The following RGS6 variants were observed in gnomAD, a reference collection of about 807,000 sequenced individuals.
RGS6 encodes regulator of G protein signaling 6, also known as regulator of G-protein signaling 6.
RGS6 carries 30 observed loss-of-function variants against 78.5 expected under a neutral mutation model. That is an observed-to-expected ratio of 0.38 (90% CI 0.29 to 0.52). The LOEUF is 0.52. RGS6 is among the 20% of genes least tolerant of loss of function. The pLI is 0.85. For synonymous variants in RGS6, 206 were observed against 206.0 expected (o/e 1.00, Z 0.00); for missense variants, 495 against 609.7 (o/e 0.81, Z 1.98).
intron 2 of RGS6, among the ~76,000 whole-genome samples, chr14:71,987,189 G>A (rs1317129336): frequency 6.6e-6 from 1 of 152,208 alleles, no homozygotes; most frequent in Non-Finnish European, 1.5e-5. Context: ...TAGCTAGGGA[G>A]GAGGTACGCT....
chr14:71,920,288 A>C, the RGS6 span, among the ~76,000 whole-genome samples: 2 of 152,192 alleles, frequency 1.3e-5, no homozygotes, highest in Non-Finnish European at 2.9e-5. Context: ...AGACCAAAGA[A>C]TCTACTAAAG....
intron 2 of RGS6, among the ~76,000 whole-genome samples, chr14:72,122,141 C>A (rs920535699): frequency 6.6e-6 from 1 of 152,150 alleles, no homozygotes; most frequent in Non-Finnish European, 1.5e-5. Flanking sequence ...AGGCTGGGAC[C>A]AATGCTTTGC....
Position 72,566,365 on chromosome 14 carries a change from T to C in RGS6, c.*3898T>C, listed in dbSNP as rs1019135133. The C allele has an allele frequency of 6.6e-6, 1 of 152,238 alleles. No individual in the cohort carries two copies. Among genetic ancestry groups the C allele is most frequent in the African/African-American group, 2.4e-5 (1 of 41,450 alleles). The allele number at this position is 152,238 out of a possible 1,614,324, so 9.4% of individuals were successfully genotyped here. A position where few individuals can be genotyped will look rare whatever the true frequency, so the allele number is the denominator to read the frequency against. The stretch of plus-strand genomic sequence containing the variant: ...TGCTCCATACCAGGGGTCCCTGTTC[T>C]ATACTCTAAGCCCACTCACCGCATG... On this transcript the variant is annotated 3_prime_UTR_variant, in exon 18 of 18. Transcript: ENST00000553525.
intron 2 of RGS6, among the ~76,000 whole-genome samples, chr14:72,319,949 T>G (rs1010332881): frequency 6.6e-6 from 1 of 152,236 alleles, no homozygotes. Flanking sequence ...AGGAGTCTAC[T>G]ATGTTACAGA....
At chr14:72,269,217 C>G (rs1436345885) in intron 2 of RGS6, among the ~76,000 whole-genome samples, 1 of 152,170 alleles carries the variant, frequency 6.6e-6, no homozygotes, top group Admixed American at 6.5e-5. Context: ...GTCATCCTGC[C>G]CCTGCCCTGA....
intron 2 of RGS6, among the ~76,000 whole-genome samples, chr14:72,314,335 G>A (rs1247224833): frequency 6.6e-6 from 1 of 152,150 alleles, no homozygotes; most frequent in Non-Finnish European, 1.5e-5. Context: ...TGTGGGTCCA[G>A]GCATCACAAC....
At chr14:72,031,857 A>C (rs748571864) in intron 2 of RGS6, among the ~76,000 whole-genome samples, 2 of 152,206 alleles carry the variant, frequency 1.3e-5, no homozygotes, top group Non-Finnish European at 2.9e-5. Context: ...TTTTTAAATG[A>C]TTGGGATAAT....
the RGS6 span, among the ~76,000 whole-genome samples, chr14:72,595,497 CCAGG>C: frequency 2.0e-5 from 3 of 151,732 alleles, no homozygotes; most frequent in Non-Finnish European, 2.9e-5. Flanking sequence ...AAGCTTAGCC[CCAGG>C]AATACAATGC....
At position 72,383,927 on chromosome 14, in the gene RGS6, T is replaced by C. The variant is rs561387988; in HGVS notation, c.184+31733T>C. On this transcript the variant is annotated intron_variant, in intron 3 of 17. Transcript: ENST00000553525. ...AAATATTCCTCCCCTAGAAATTATTTTGTTGATCTAAGAGTACTGAATTGC... is the reference window on the plus strand; with the variant it reads ...AAATATTCCTCCCCTAGAAATTATTCTGTTGATCTAAGAGTACTGAATTGC... Among the ~76,000 whole-genome samples the C allele has an allele frequency of 3.9e-5, 6 of 152,328 alleles. No individual in the cohort carries two copies. The East Asian group carries it at 1.2e-3, about 29-fold the overall frequency.
At chr14:72,147,960 T>C (rs2096629470) in intron 2 of RGS6, among the ~76,000 whole-genome samples, 1 of 151,880 alleles carries the variant, frequency 6.6e-6, no homozygotes, top group Non-Finnish European at 1.5e-5. Context: ...TGAAACCCCA[T>C]CTCTACTAAA....
chr14:72,620,013 A>G, the RGS6 span: 1 of 1,511,644 alleles, frequency 6.6e-7, no homozygotes, highest in Non-Finnish European at 8.8e-7. Context: ...AGCACAGAGG[A>G]GGAGAGATTC....
chr14:72,063,014 G>C (rs2093968333), intron 2 of RGS6, among the ~76,000 whole-genome samples: 1 of 152,148 alleles, frequency 6.6e-6, no homozygotes, highest in African/African-American at 2.4e-5. Flanking sequence ...AGCAGAGACA[G>C]GGTTTTGGCA....
At chr14:72,595,329 G>A in the RGS6 span, among the ~76,000 whole-genome samples, 1 of 152,140 alleles carries the variant, frequency 6.6e-6, no homozygotes, top group African/African-American at 2.4e-5. Context: ...CGTATGTGTG[G>A]TTTAATCATG....
intron 2 of RGS6, among the ~76,000 whole-genome samples, chr14:72,060,371 C>CT (rs34086688): frequency 0.013 from 1,724 of 136,940 alleles, 46 homozygotes; most frequent in Middle Eastern, 0.03. Context: ...CCCCTCCCAC[C>CT]TTTTTTTTTT....
At chr14:71,991,685 C>A (rs1426441191) in intron 2 of RGS6, among the ~76,000 whole-genome samples, 2 of 152,196 alleles carry the variant, frequency 1.3e-5, no homozygotes, top group Non-Finnish European at 2.9e-5. Context: ...TTTCTAGGTA[C>A]ATATTTTAAC....
At chr14:72,045,782 G>A (rs1273997343) in intron 2 of RGS6, among the ~76,000 whole-genome samples, 1 of 151,908 alleles carries the variant, frequency 6.6e-6, no homozygotes, top group African/African-American at 2.4e-5. Context: ...CTTCCCTCAG[G>A]TGGATAAGGC....
At chr14:72,242,819 T>TTTCCA (rs1268200375) in intron 2 of RGS6, among the ~76,000 whole-genome samples, 1 of 151,232 alleles carries the variant, frequency 6.6e-6, no homozygotes, top group Non-Finnish European at 1.5e-5. Flanking sequence ...ATACAGTATT[T>TTTCCA]TTCCAACTTC....
At chr14:72,417,529 CT>C (rs554523747) in intron 3 of RGS6, among the ~76,000 whole-genome samples, 97 of 152,190 alleles carry the variant, frequency 6.4e-4, no homozygotes, top group Middle Eastern at 3.4e-3. Context: ...GACAAGAAAC[CT>C]TTGTAGACCC....
chr14:72,610,322 C>G, the RGS6 span, among the ~76,000 whole-genome samples: 1 of 152,180 alleles, frequency 6.6e-6, no homozygotes, highest in Non-Finnish European at 1.5e-5. Context: ...AGGTAGGCAG[C>G]TCATTCCCAG....
Sources: allele counts gnomAD v4.1 joint callset (sites outside exome capture counted in the v4.1 genomes callset), GRCh38; gene constraint gnomAD v4.1.1; transcripts MANE v1.5; gene names NCBI Gene and HGNC (gene_info 2026-07-23, HGNC 2026-07-21).